The following GRIN2B variants were observed in gnomAD, a reference collection of about 807,000 sequenced individuals.
GRIN2B encodes glutamate ionotropic receptor NMDA type subunit 2B.
A neutral mutation model predicts 114.5 loss-of-function variants in GRIN2B; 5 were observed. The observed-to-expected ratio is 0.04, with a 90% confidence interval of 0.02 to 0.09. The LOEUF is 0.09. Ranked by LOEUF, GRIN2B falls within the 10% of genes least tolerant of loss-of-function variation. The pLI is 1.00. For synonymous variants in GRIN2B, 787 were observed against 745.1 expected (o/e 1.06, Z -0.92); for missense variants, 1,108 against 1,943.5 (o/e 0.57, Z 8.08).
chr12:13,970,724 C>CACACACAT (rs58811567), intron 2 of GRIN2B, among the ~76,000 whole-genome samples: 1 of 148,664 alleles, frequency 6.7e-6, no homozygotes, highest in South Asian at 2.2e-4. Flanking sequence ...CACACACACA[C>CACACACAT]ATCCAGTATT....
intron 5 of GRIN2B, among the ~76,000 whole-genome samples, chr12:13,662,911 G>A (rs1949937998): frequency 6.6e-6 from 1 of 152,184 alleles, no homozygotes; most frequent in African/African-American, 2.4e-5. Context: ...AACAATGACA[G>A]AGTGGCAGCC....
At chr12:13,937,541 T>C (rs1022704056) in intron 2 of GRIN2B, among the ~76,000 whole-genome samples, 1 of 151,840 alleles carries the variant, frequency 6.6e-6, no homozygotes, top group Non-Finnish European at 1.5e-5. Flanking sequence ...AGAATTATAT[T>C]CTCCAATAAT....
chr12:13,778,944 T>C (rs1226158058), intron 3 of GRIN2B, among the ~76,000 whole-genome samples: 1 of 152,248 alleles, frequency 6.6e-6, no homozygotes, highest in Non-Finnish European at 1.5e-5. Context: ...GACCCAGAAT[T>C]GCCTCTGTAG....
chr12:13,779,186 G>A (rs1229711072), intron 3 of GRIN2B, among the ~76,000 whole-genome samples: 1 of 152,154 alleles, frequency 6.6e-6, no homozygotes, highest in African/African-American at 2.4e-5. Flanking sequence ...TGGGATTACA[G>A]GTGTGCACCA....
rs1948237131 is a variant in GRIN2B, at chr12:13,538,417, CT to C, written c.*24365del. On this transcript the variant is annotated 3_prime_UTR_variant, in exon 14 of 14. Coordinates refer to ENST00000609686, the MANE Select transcript of GRIN2B (RefSeq NM_000834.5). Reference sequence around the variant, plus strand: ...TGGCACTCACCCTTGTCATTGGAGTCTTTGTTTTATTGAAGGTGTTGTGATC... The same window carrying C: ...TGGCACTCACCCTTGTCATTGGAGTCTTGTTTTATTGAAGGTGTTGTGATC... 2 of 152,304 alleles carry C rather than the reference CT, an allele frequency of 1.3e-5. No individual in the cohort carries two copies. The highest frequency in any genetic ancestry group is 1.3e-4 in the Admixed American group (2 of 15,302). The allele number at this position is 152,304 out of a possible 1,614,324, so 9.4% of individuals were successfully genotyped here.
At chr12:13,666,342 A>G (rs1399801383) in intron 5 of GRIN2B, among the ~76,000 whole-genome samples, 3 of 152,192 alleles carry the variant, frequency 2.0e-5, no homozygotes, top group African/African-American at 7.2e-5. Context: ...ATGACAGCGA[A>G]GGACACCTGG....
rs866813816 is a variant in GRIN2B, at chr12:13,545,466, A to G, written c.*17317T>C. 2 of 152,214 alleles carry G rather than the reference A, an allele frequency of 1.3e-5. No individual in the cohort carries two copies. Among genetic ancestry groups the G allele is most frequent in the Non-Finnish European group, 2.9e-5 (2 of 68,050 alleles). The allele number at this position is 152,214 out of a possible 1,614,324, so 9.4% of individuals were successfully genotyped here. Reference sequence around the variant, plus strand: ...TTCCACTCAATAAATATCAACATGGATAAGTCATTTATCCAAAACATGCTC... The same window carrying G: ...TTCCACTCAATAAATATCAACATGGGTAAGTCATTTATCCAAAACATGCTC... On this transcript the variant is annotated 3_prime_UTR_variant, in exon 14 of 14. Transcript: ENST00000609686.
chr12:13,704,678 TTTC>T (rs904688859), intron 4 of GRIN2B, among the ~76,000 whole-genome samples: 1 of 152,054 alleles, frequency 6.6e-6, no homozygotes, highest in African/African-American at 2.4e-5. Flanking sequence ...TTCCATGAGA[TTTC>T]TTCTCCCCAT....
intron 4 of GRIN2B, among the ~76,000 whole-genome samples, chr12:13,680,436 TTGTGTGTGTGTGTGTGTGTGTGTGTG>T (rs56755720): frequency 4.0e-5 from 5 of 123,480 alleles, no homozygotes; most frequent in East Asian, 2.3e-4. Context: ...CCCATCAAGG[TTGTGTGTGTGTGTGTGTGTGTGTGTG>T]TGTGTGTGTG....
chr12:13,795,987 C>G (rs1042796682), intron 3 of GRIN2B, among the ~76,000 whole-genome samples: 1 of 150,440 alleles, frequency 6.6e-6, no homozygotes, highest in African/African-American at 2.5e-5. Context: ...ATGTAAATGA[C>G]GAGTTAATGG....
chr12:13,710,258 C>A (rs1355658258), intron 4 of GRIN2B, among the ~76,000 whole-genome samples: 1 of 151,958 alleles, frequency 6.6e-6, no homozygotes, highest in Admixed American at 6.6e-5. Flanking sequence ...TATGACAAAC[C>A]CACAGCCAAT....
Position 13,745,404 on chromosome 12 carries a change from A to G in GRIN2B, c.1010+7913T>C, listed in dbSNP as rs544515016. Among the ~76,000 whole-genome samples, 31 of 152,306 alleles carry G rather than the reference A, an allele frequency of 2.0e-4. No homozygotes were observed. In the East Asian group the frequency reaches 6.0e-3, roughly 29 times the overall value. On this transcript the variant is annotated intron_variant, in intron 4 of 13. Coordinates refer to ENST00000609686, the MANE Select transcript of GRIN2B (RefSeq NM_000834.5). ...TTGCATCCTTGTCTAGGTAAGAACC[A>G]AGGGAGCAAGAGCCTTGGGGACGCT...
At chr12:13,965,163 C>A (rs562883638) in intron 2 of GRIN2B, among the ~76,000 whole-genome samples, 2 of 152,292 alleles carry the variant, frequency 1.3e-5, no homozygotes, top group African/African-American at 2.4e-5. Flanking sequence ...GCCTGCCAAG[C>A]CTGAAATCCT....
intron 4 of GRIN2B, among the ~76,000 whole-genome samples, chr12:13,730,424 CA>C (rs1863068978): frequency 6.6e-6 from 1 of 152,140 alleles, no homozygotes; most frequent in Non-Finnish European, 1.5e-5. Context: ...CCCTGCTAAG[CA>C]CTTTGTATAC....
At chr12:13,891,895 A>C (rs1426019403) in intron 2 of GRIN2B, among the ~76,000 whole-genome samples, 2 of 152,166 alleles carry the variant, frequency 1.3e-5, no homozygotes, top group Non-Finnish European at 2.9e-5. Flanking sequence ...TGTAAAAGGC[A>C]CTCTTCTAAG....
At chr12:13,619,406 CTT>C (rs1368607940) in intron 5 of GRIN2B, among the ~76,000 whole-genome samples, 3 of 152,196 alleles carry the variant, frequency 2.0e-5, no homozygotes, top group Non-Finnish European at 4.4e-5. Flanking sequence ...ATGATCCTAC[CTT>C]GCTCTGTGTT....
intron 4 of GRIN2B, among the ~76,000 whole-genome samples, chr12:13,680,123 T>G (rs1287180728): frequency 6.6e-6 from 1 of 152,154 alleles, no homozygotes; most frequent in African/African-American, 2.4e-5. Flanking sequence ...GGAGATTGGC[T>G]TCTACATATG....
chr12:13,774,890 A>T (rs1175163424), intron 3 of GRIN2B, among the ~76,000 whole-genome samples: 1 of 152,212 alleles, frequency 6.6e-6, no homozygotes, highest in Non-Finnish European at 1.5e-5. Context: ...AATTATCACA[A>T]AATGAATGAA....
chr12:13,804,131 C>G (rs1864561642), intron 3 of GRIN2B, among the ~76,000 whole-genome samples: 2 of 150,938 alleles, frequency 1.3e-5, no homozygotes, highest in Non-Finnish European at 2.9e-5. Context: ...TCTGATCTCA[C>G]TGTACCTTGT....
Sources: gnomAD v4.1 joint callset for allele counts (sites outside exome capture counted in the v4.1 genomes callset) on GRCh38, gnomAD v4.1.1 for gene constraint, MANE v1.5 for transcripts, NCBI Gene and HGNC (gene_info 2026-07-23, HGNC 2026-07-21) for gene names.